Variants in DCAF12 observed in about 807,000 individuals in gnomAD.
DCAF12 encodes the protein DDB1- and CUL4-associated factor 12.
DCAF12 carries 28 observed loss-of-function variants against 52.8 expected under a neutral mutation model. The ratio of observed to expected loss-of-function variants is 0.53; its 90% CI spans 0.39 to 0.73. DCAF12 has a LOEUF of 0.73. Ranked by LOEUF, DCAF12 falls within the 30% of genes least tolerant of loss-of-function variation. The probability of loss-of-function intolerance (pLI) is 0.00; values close to 1 mark genes in which losing one functional copy is unlikely to be tolerated. For missense variants in DCAF12, 425 were observed against 552.2 expected (o/e 0.77, Z 2.31); for synonymous variants, 196 against 215.5 (o/e 0.91, Z 0.79).
At chr9:34,108,984 T>TTA (rs10580795) in intron 2 of DCAF12, among the ~76,000 whole-genome samples, 484 of 140,688 alleles carry the variant, frequency 3.4e-3, no homozygotes, top group South Asian at 0.019. Context: ...GTATATGTTT[T>TTA]TATATATATA....
chr9:34,094,512 G>A (rs1302213413), intron 6 of DCAF12, among the ~76,000 whole-genome samples: 1 of 151,070 alleles, frequency 6.6e-6, no homozygotes, highest in Non-Finnish European at 1.5e-5. Context: ...CAAATGTTTT[G>A]AATTTCGGAT....
rs1489448831 is a variant in DCAF12, at chr9:34,125,445, C to T, written c.79-168G>A. On this transcript the variant is annotated intron_variant, in intron 1 of 8. Transcript: ENST00000361264. ...CAATCCAGAAAGTCGTTTAACTCTTCCAACATTAAAAAGATGTTGCTCACA... is the reference window on the plus strand; with the variant it reads ...CAATCCAGAAAGTCGTTTAACTCTTTCAACATTAAAAAGATGTTGCTCACA... 4.1e-5 allele frequency: 32 copies of T among 787,956 alleles called. No individual in the cohort carries two copies. In the East Asian group the frequency reaches 7.8e-4, roughly 19 times the overall value. The allele number at this position is 787,956 out of a possible 1,614,324, so 48.8% of individuals were successfully genotyped here.
chr9:34,095,600 G>C (rs181101194), intron 6 of DCAF12, among the ~76,000 whole-genome samples: 1 of 151,772 alleles, frequency 6.6e-6, no homozygotes, highest in African/African-American at 2.4e-5. Flanking sequence ...TGTTGCCCAG[G>C]CTAGTTTTGA....
At chr9:34,098,094 T>C (rs1828765632) in intron 5 of DCAF12, among the ~76,000 whole-genome samples, 1 of 152,152 alleles carries the variant, frequency 6.6e-6, no homozygotes, top group African/African-American at 2.4e-5. Context: ...TCTGTGAGGC[T>C]GACCCACAAA....
chr9:34,104,313 G>T (rs1828872498), intron 4 of DCAF12, among the ~76,000 whole-genome samples: 3 of 151,982 alleles, frequency 2.0e-5, no homozygotes, highest in South Asian at 4.2e-4. Flanking sequence ...ATTCAAAGTA[G>T]AATGTTAATT....
At chr9:34,116,239 C>A (rs2131441097) in intron 2 of DCAF12, among the ~76,000 whole-genome samples, 1 of 152,024 alleles carries the variant, frequency 6.6e-6, no homozygotes, top group Non-Finnish European at 1.5e-5. Flanking sequence ...CGCCTTTAAT[C>A]CCAGTTACTC....
chr9:34,089,709 C>T (rs1274214845), intron 7 of DCAF12, 119 bp from the exon 8 acceptor site: 5 of 955,378 alleles, frequency 5.2e-6, no homozygotes, highest in African/African-American at 1.7e-5. Flanking sequence ...TCCACCCGCC[C>T]CACAAAGTAT....
chr9:34,101,806 A>C (rs1828833734), intron 4 of DCAF12, among the ~76,000 whole-genome samples: 1 of 151,808 alleles, frequency 6.6e-6, no homozygotes, highest in Non-Finnish European at 1.5e-5. Context: ...CCTGAGCTCA[A>C]GAGTTTGAGA....
chr9:34,116,904 A>T (rs1400803618), intron 2 of DCAF12, among the ~76,000 whole-genome samples: 1 of 152,144 alleles, frequency 6.6e-6, no homozygotes, highest in African/African-American at 2.4e-5. Context: ...GCTTGAACCC[A>T]AGAGGCGGAG....
chr9:34,122,774 T>C (rs541120419), intron 2 of DCAF12, among the ~76,000 whole-genome samples: 18 of 152,262 alleles, frequency 1.2e-4, no homozygotes, highest in South Asian at 4.1e-4. Flanking sequence ...CACCTTGCCC[T>C]GCGAAAGAAA....
chr9:34,092,233 A>G (rs112730142), intron 7 of DCAF12, among the ~76,000 whole-genome samples: 23 of 152,360 alleles, frequency 1.5e-4, no homozygotes, highest in African/African-American at 5.3e-4. Context: ...GTATATATCC[A>G]TGACATCATA....
At position 34,104,272 on chromosome 9, in the gene DCAF12, G is replaced by T. The variant is rs549152327; in HGVS notation, c.601+2162C>A. ...CTCTGTCTCAAAAATTAAAAAAAAA[G>T]AAAAAAACATCTAAAATGACAGACA... On this transcript the variant is annotated intron_variant, in intron 4 of 8. Coordinates refer to ENST00000361264, the MANE Select transcript of DCAF12 (RefSeq NM_015397.4). 2.6e-5 allele frequency among the ~76,000 whole-genome samples: 4 copies of T among 151,758 alleles called. No individual in the cohort carries two copies. In the East Asian group the frequency reaches 7.8e-4, roughly 29 times the overall value.
At chr9:34,090,088 G>C (rs954021235) in intron 7 of DCAF12, 4 of 152,440 alleles carry the variant, frequency 2.6e-5, no homozygotes, top group African/African-American at 7.2e-5. Context: ...TTTTGAGATG[G>C]AGTCTCGCTC....
intron 2 of DCAF12, among the ~76,000 whole-genome samples, chr9:34,110,807 A>C (rs988039958): frequency 3.9e-4 from 60 of 151,926 alleles, no homozygotes; most frequent in Non-Finnish European, 4.7e-4. Flanking sequence ...AAAACAAAAC[A>C]AAACCAAGAG....
chr9:34,117,731 A>G (rs1829109730), intron 2 of DCAF12, among the ~76,000 whole-genome samples: 1 of 152,100 alleles, frequency 6.6e-6, no homozygotes, highest in Non-Finnish European at 1.5e-5. Flanking sequence ...CCTCACCAAC[A>G]TGGAGAAACC....
rs376731358 is a variant in DCAF12, at chr9:34,119,218, A to G, written c.333+5805T>C. 3.3e-5 allele frequency among the ~76,000 whole-genome samples: 5 copies of G among 152,324 alleles called. No individual in the cohort carries two copies. The East Asian group carries it at 7.7e-4, about 23-fold the overall frequency. On this transcript the variant is annotated intron_variant, in intron 2 of 8. Transcript: ENST00000361264. ...CGGTCCTTCTCACCGTCATTTTAGG[A>G]TAAGAAAACGCAAGGTTCATCTAGC... is the stretch of plus-strand genomic sequence containing the variant.
intron 4 of DCAF12, among the ~76,000 whole-genome samples, chr9:34,104,398 T>TG (rs1482067228): frequency 6.6e-6 from 1 of 152,050 alleles, no homozygotes; most frequent in East Asian, 1.9e-4. Context: ...TGCTGGATTA[T>TG]GGGGTGCAAG....
chr9:34,115,451 C>T (rs1391721524), intron 2 of DCAF12, among the ~76,000 whole-genome samples: 1 of 19,432 alleles, frequency 5.1e-5, no homozygotes. Context: ...ATTAGCCGGG[C>T]GGCTGGGCAT....
At chr9:34,111,887 C>G (rs1446376071) in intron 2 of DCAF12, among the ~76,000 whole-genome samples, 2 of 151,956 alleles carry the variant, frequency 1.3e-5, no homozygotes, top group African/African-American at 4.8e-5. Flanking sequence ...GTAATCCCAG[C>G]ACTTAGGGAG....
Sources: gnomAD v4.1 joint callset for allele counts (sites outside exome capture counted in the v4.1 genomes callset) on GRCh38, gnomAD v4.1.1 for gene constraint, MANE v1.5 for transcripts, NCBI Gene and HGNC (gene_info 2026-07-23, HGNC 2026-07-21) for gene names.